The following FARP1 variants were observed in gnomAD, a reference collection of about 807,000 sequenced individuals.
The protein encoded by FARP1 is FERM, ARHGEF and pleckstrin domain-containing protein 1.
Under a neutral mutation model 128.8 loss-of-function variants are expected in FARP1, and 52 were observed. That is an observed-to-expected ratio of 0.40 (90% CI 0.32 to 0.51). FARP1 has a LOEUF of 0.51. Among genes scored for constraint, FARP1 ranks in the 20% least tolerant of loss-of-function variants. The probability of loss-of-function intolerance (pLI) is 0.45; values close to 1 mark genes in which losing one functional copy is unlikely to be tolerated. For synonymous variants in FARP1, 580 were observed against 551.8 expected (o/e 1.05, Z -0.72); for missense variants, 1,333 against 1,367.9 (o/e 0.97, Z 0.40).
chr13:98,385,548 G>T, intron 7 of FARP1, 119 bp from the exon 8 acceptor site: 1 of 1,080,860 alleles, frequency 9.3e-7, no homozygotes, highest in Non-Finnish European at 1.4e-6. Flanking sequence ...TGATCGGGTA[G>T]CCCCAGTGTT....
At chr13:98,197,295 C>A (rs191342337) in intron 1 of FARP1, among the ~76,000 whole-genome samples, 32 of 152,130 alleles carry the variant, frequency 2.1e-4, no homozygotes, top group Non-Finnish European at 4.4e-4. Context: ...GGAGAAACCC[C>A]GTCTCTACTA....
chr13:98,207,201 CAGAG>C (rs1241387282), intron 1 of FARP1, among the ~76,000 whole-genome samples: 3 of 152,210 alleles, frequency 2.0e-5, no homozygotes, highest in South Asian at 2.1e-4. Flanking sequence ...AGTATGATAA[CAGAG>C]AGAAAGTATG....
rs139327587 is a variant in FARP1, at chr13:98,290,270, A to G, written c.172-53492A>G. On this transcript the variant is annotated intron_variant, in intron 2 of 26. Coordinates refer to ENST00000319562, the MANE Select transcript of FARP1 (RefSeq NM_005766.4). ...AAAAACAAAGTAAGGGAGGAAGGAG[A>G]GAGCATAATGGTGTGCAAATGGATA... 2.0e-5 allele frequency among the ~76,000 whole-genome samples: 3 copies of G among 152,152 alleles called. No individual in the cohort carries two copies. The East Asian group carries it at 5.9e-4, about 30-fold the overall frequency.
intron 3 of FARP1, among the ~76,000 whole-genome samples, chr13:98,363,185 G>T (rs553138475): frequency 6.6e-6 from 1 of 152,252 alleles, no homozygotes; most frequent in Middle Eastern, 3.4e-3. Flanking sequence ...GCGGGGCCAG[G>T]CCTCTTCCTG....
intron 5 of FARP1, among the ~76,000 whole-genome samples, chr13:98,374,249 C>T (rs1889477646): frequency 6.6e-6 from 1 of 152,118 alleles, no homozygotes; most frequent in Non-Finnish European, 1.5e-5. Context: ...CACAGGGAGA[C>T]CTGTCTCTAC....
intron 2 of FARP1, among the ~76,000 whole-genome samples, chr13:98,261,605 T>A (rs191982723): frequency 6.6e-6 from 1 of 152,144 alleles, no homozygotes; most frequent in East Asian, 1.9e-4. Flanking sequence ...AAGGAATTTA[T>A]GGTGTCATAG....
chr13:98,149,364 G>A (rs1190254900), intron 1 of FARP1, among the ~76,000 whole-genome samples: 1 of 151,812 alleles, frequency 6.6e-6, no homozygotes, highest in Non-Finnish European at 1.5e-5. Flanking sequence ...CTCCCCTTTG[G>A]CCATTCAAGT....
In FARP1 at chr13:98,452,994, T is replaced by C; in HGVS notation, c.*4677T>C. On this transcript the variant is annotated 3_prime_UTR_variant, in exon 27 of 27. Coordinates refer to ENST00000319562, the MANE Select transcript of FARP1 (RefSeq NM_005766.4). ...ACCCTCCCCACCCATCTGAGAGACT[T>C]CATCTGGCTGCAGCACAGTGAAGAC... 1.8e-6 allele frequency: 1 copy of C among 551,466 alleles called. No homozygotes were observed. The highest frequency in any genetic ancestry group is 3.1e-6 in the Non-Finnish European group (1 of 318,478). 34.2% of individuals were successfully genotyped at this position (551,466 alleles called of 1,614,324 possible).
intron 13 of FARP1, chr13:98,400,751 C>T (rs1490435739): frequency 6.6e-6 from 1 of 152,206 alleles, no homozygotes; most frequent in Non-Finnish European, 1.5e-5. Context: ...CATTTCTCCT[C>T]TGATGGTCAT....
intron 2 of FARP1, among the ~76,000 whole-genome samples, chr13:98,295,310 G>A (rs1164355434): frequency 1.3e-5 from 2 of 152,118 alleles, no homozygotes; most frequent in Non-Finnish European, 2.9e-5. Context: ...GAGGAGTCAT[G>A]GCAGCAGAGG....
intron 24 of FARP1, among the ~76,000 whole-genome samples, chr13:98,441,454 G>A (rs1892521469): frequency 6.6e-6 from 1 of 152,252 alleles, no homozygotes; most frequent in South Asian, 2.1e-4. Flanking sequence ...GAAGAACAGG[G>A]CGCCGTGGGG....
chr13:98,213,552 C>A (rs564313150), intron 2 of FARP1, 139 bp downstream of exon 2: 5 of 850,686 alleles, frequency 5.9e-6, no homozygotes, highest in East Asian at 2.7e-5. Flanking sequence ...CCCCGCCCCC[C>A]AATGGCCCCG....
At chr13:98,323,019 G>C (rs1887068240) in intron 2 of FARP1, among the ~76,000 whole-genome samples, 2 of 152,172 alleles carry the variant, frequency 1.3e-5, no homozygotes, top group African/African-American at 4.8e-5. Flanking sequence ...TTAGATATAT[G>C]GTTGCTGGCA....
At chr13:98,395,611 A>C in intron 13 of FARP1, 135 bp downstream of exon 13, 1 of 1,094,152 alleles carries the variant, frequency 9.1e-7, no homozygotes, top group Admixed American at 2.5e-5. Context: ...CCGGTCCCAA[A>C]CAAATGACAA....
Position 98,384,551 on chromosome 13 carries a change from A to G in FARP1, c.497-179A>G, listed in dbSNP as rs549655158. 41 of 602,886 alleles carry G rather than the reference A, an allele frequency of 6.8e-5. 2 individuals are homozygous for G. The South Asian group carries it at 8.0e-4, about 12-fold the overall frequency. The allele number at this position is 602,886 out of a possible 1,614,324, so 37.3% of individuals were successfully genotyped here. On this transcript the variant is annotated intron_variant, in intron 6 of 26. Coordinates refer to ENST00000319562, the MANE Select transcript of FARP1 (RefSeq NM_005766.4). ...GGGGAGAAAACTGTCTTCTCACATC[A>G]CCACAATTGATAAATGTATCCTGGC...
chr13:98,381,135 C>G (rs1289926861), intron 6 of FARP1, among the ~76,000 whole-genome samples: 1 of 152,142 alleles, frequency 6.6e-6, no homozygotes, highest in African/African-American at 2.4e-5. Context: ...ATTTGACATA[C>G]AGTCATGAGA....
At chr13:98,375,911 G>A (rs1191911803) in intron 5 of FARP1, among the ~76,000 whole-genome samples, 2 of 152,096 alleles carry the variant, frequency 1.3e-5, no homozygotes, top group Non-Finnish European at 2.9e-5. Flanking sequence ...GCCACAGCGT[G>A]CGGCCCCAAC....
At chr13:98,324,327 A>C (rs1161999713) in intron 2 of FARP1, among the ~76,000 whole-genome samples, 1 of 152,174 alleles carries the variant, frequency 6.6e-6, no homozygotes, top group Non-Finnish European at 1.5e-5. Flanking sequence ...GTATTTTGGC[A>C]GTATGGAAAA....
intron 2 of FARP1, among the ~76,000 whole-genome samples, chr13:98,271,587 G>C (rs576641649): frequency 1.2e-4 from 18 of 152,156 alleles, no homozygotes; most frequent in Middle Eastern, 3.4e-3. Flanking sequence ...ACAGGCCCCA[G>C]TATGTGATAT....
Sources: gnomAD v4.1 joint callset for allele counts (sites outside exome capture counted in the v4.1 genomes callset) on GRCh38, gnomAD v4.1.1 for gene constraint, MANE v1.5 for transcripts, NCBI Gene and HGNC (gene_info 2026-07-23, HGNC 2026-07-21) for gene names.